Variants in ZNF558 observed in about 807,000 individuals in gnomAD.
ZNF558 encodes the protein zinc finger protein 558.
In ZNF558, 23 loss-of-function variants were observed where a neutral mutation model predicts 37.6. The observed-to-expected ratio is 0.61, with a 90% CI of 0.44 to 0.87. The LOEUF is 0.87. Ranked by LOEUF, ZNF558 falls within the 40% of genes least tolerant of loss-of-function variation. The pLI, the probability that ZNF558 is intolerant of heterozygous loss-of-function variation, is 0.00. For missense variants in ZNF558, 429 were observed against 483.7 expected, an observed-to-expected ratio of 0.89 and a Z score of 1.06; for synonymous variants, 189 against 174.4, an observed-to-expected ratio of 1.08 and a Z score of -0.66.
upstream of ZNF558, among the ~76,000 whole-genome samples, chr19:8,836,689 G>A (rs182541531): frequency 1.2e-3 from 187 of 152,056 alleles, 2 homozygotes; most frequent in East Asian, 1.5e-3. Flanking sequence ...ACAGGGACTC[G>A]CCACACCACA....
intron 7 of ZNF558, among the ~76,000 whole-genome samples, chr19:8,814,225 C>T (rs1323149076): frequency 6.6e-6 from 1 of 152,178 alleles, no homozygotes; most frequent in African/African-American, 2.4e-5. Flanking sequence ...AAGACAACAG[C>T]CTGCATTCCT....
upstream of ZNF558, among the ~76,000 whole-genome samples, chr19:8,833,774 A>T (rs550988601): frequency 1.3e-5 from 2 of 152,238 alleles, no homozygotes; most frequent in Admixed American, 1.3e-4. Flanking sequence ...AGATCACCTG[A>T]GGTCAGGAGT....
At chr19:8,830,414 C>T (rs67067711) in intron 2 of ZNF558, among the ~76,000 whole-genome samples, 26,011 of 152,034 alleles carry the variant, frequency 0.17, 2,766 homozygotes, top group East Asian at 0.28. Context: ...ACCCTTCAAT[C>T]TATAAGTTGT....
chr19:8,813,305 G>T, intron 7 of ZNF558, 83 bp from the exon 8 acceptor site: 1 of 1,075,300 alleles, frequency 9.3e-7, no homozygotes, highest in Admixed American at 2.1e-5. Context: ...CATTTATGAA[G>T]ATGGAAAAGT....
At chr19:8,837,556 G>A in the ZNF558 span, among the ~76,000 whole-genome samples, 1 of 152,130 alleles carries the variant, frequency 6.6e-6, no homozygotes, top group South Asian at 2.1e-4. Flanking sequence ...CCTCGAATGG[G>A]GGTGGCTAGA....
intron 2 of ZNF558, among the ~76,000 whole-genome samples, chr19:8,830,112 C>T (rs2044316016): frequency 6.6e-6 from 1 of 152,146 alleles, no homozygotes; most frequent in South Asian, 2.1e-4. Context: ...TAAGTTCCCA[C>T]AAGATCTGAT....
chr19:8,818,130 C>A (rs2043987464), intron 7 of ZNF558, among the ~76,000 whole-genome samples: 1 of 152,280 alleles, frequency 6.6e-6, no homozygotes, highest in South Asian at 2.1e-4. Flanking sequence ...TACAAAGTAT[C>A]TTCCTTAACC....
rs1160111794 is a variant in ZNF558, at chr19:8,810,115, T to G, written c.*1166A>C. 1.3e-5 allele frequency: 2 copies of G among 152,254 alleles called. No homozygotes were observed. The highest frequency in any genetic ancestry group is 4.1e-4 in the South Asian group (2 of 4,832). The allele number at this position is 152,254 out of a possible 1,614,324, so 9.4% of individuals were successfully genotyped here. A position where few individuals can be genotyped will look rare whatever the true frequency, so the allele number is the denominator to read the frequency against. On this transcript the variant is annotated 3_prime_UTR_variant, in exon 10 of 10. Coordinates refer to ENST00000601372, the MANE Select transcript of ZNF558 (RefSeq NM_144693.3). ...CTTTATATTTCAAGTTTCTCTGTAGTGTGAATGCTCACAAGTTTCCTAACA... is the reference window on the plus strand; with the variant it reads ...CTTTATATTTCAAGTTTCTCTGTAGGGTGAATGCTCACAAGTTTCCTAACA...
chr19:8,816,692 G>A (rs1004553541), intron 7 of ZNF558, among the ~76,000 whole-genome samples: 1 of 152,176 alleles, frequency 6.6e-6, no homozygotes, highest in Non-Finnish European at 1.5e-5. Flanking sequence ...AGATAATGGA[G>A]AGTAACTTGA....
In ZNF558 at chr19:8,821,504, T is replaced by A. The variant is rs534894350; in HGVS notation, c.121-198A>T. ...CTCCTCTCCTGGGGTTCTGAGCTCTTCTCCCTGGCTTCTGAGCTCAGCCCT... is the reference window on the plus strand; with the variant it reads ...CTCCTCTCCTGGGGTTCTGAGCTCTACTCCCTGGCTTCTGAGCTCAGCCCT... On this transcript the variant is annotated intron_variant, in intron 6 of 9. Coordinates refer to ENST00000601372, the MANE Select transcript of ZNF558 (RefSeq NM_144693.3). 6.6e-4 allele frequency: 955 copies of A among 1,445,494 alleles called. 1 individual carries two copies. The highest frequency in any genetic ancestry group is 6.7e-4 in the Non-Finnish European group (736 of 1,105,810). The allele number at this position is 1,445,494 out of a possible 1,614,324, so 89.5% of individuals were successfully genotyped here.
intron 7 of ZNF558, among the ~76,000 whole-genome samples, chr19:8,813,883 T>C (rs1555769351): frequency 6.6e-6 from 1 of 152,200 alleles, no homozygotes; most frequent in African/African-American, 2.4e-5. Flanking sequence ...AATTAGAGAC[T>C]GCCCATGAGG....
rs2043776134 is a variant in ZNF558 at position 8,811,156 on chromosome 19, C to T, written c.*125G>A. The T allele has an allele frequency of 2.8e-6, 3 of 1,070,992 alleles. No individual in the cohort carries two copies. The highest frequency in any genetic ancestry group is 3.9e-6 in the Non-Finnish European group (3 of 763,618). 66.3% of individuals were successfully genotyped at this position (1,070,992 alleles called of 1,614,324 possible). A position where few individuals can be genotyped will look rare whatever the true frequency, so the allele number is the denominator to read the frequency against. ...AATAAACATTTCGTGTTTGAAGCCA[C>T]AAAATTTGCGGGGATCATTTGTTAT... On this transcript the variant is annotated 3_prime_UTR_variant, in exon 10 of 10. Transcript: ENST00000601372.
chr19:8,836,167 A>G (rs568211572), upstream of ZNF558, among the ~76,000 whole-genome samples: 1 of 152,354 alleles, frequency 6.6e-6, no homozygotes, highest in South Asian at 2.1e-4. Context: ...TGGTAGCTCA[A>G]TAAAGTTTTT....
intron 7 of ZNF558, among the ~76,000 whole-genome samples, chr19:8,815,570 C>G (rs2043914602): frequency 1.3e-5 from 2 of 152,032 alleles, no homozygotes; most frequent in Non-Finnish European, 2.9e-5. Flanking sequence ...TGCTTGCAAC[C>G]AGGAGTTCAA....
Position 8,812,572 on chromosome 19 carries a change from C to T in ZNF558, c.415G>A (p.Gly139Ser), listed in dbSNP as rs782375312. The change falls in exon 9 of 10, where the codon GGT becomes AGT. Residue 139 changes from glycine (G) to serine (S), a missense_variant. Transcript: ENST00000601372. ...CATGTTAGTCTTACCGTTTTTACAC[C>T]TTTAGACTGTTCTTTTCTGAAAACA... is the stretch of plus-strand genomic sequence containing the variant. ...KNVFRKEQSK[G>S]VKTERSHRGV... is the part of the protein sequence containing the mutation. 1.2e-6 allele frequency: 2 copies of T among 1,602,600 alleles called. No homozygotes were observed. The highest frequency in any genetic ancestry group is 3.5e-5 in the Admixed American group (2 of 56,572).
chr19:8,812,620 T>G lies in ZNF558; in HGVS notation c.367A>C (p.Lys123Gln), dbSNP rs781896327. The G allele has an allele frequency of 1.9e-6, 3 of 1,602,484 alleles. No homozygotes were observed. In the South Asian group the frequency reaches 3.4e-5, roughly 18 times the overall value. Residue 123 changes from lysine (K) to glutamine (Q), a missense_variant, in exon 9 of 10, where the codon AAA becomes CAA. By Grantham distance (53) the Lys-to-Gln change is moderately conservative. Coordinates refer to ENST00000601372, the MANE Select transcript of ZNF558 (RefSeq NM_144693.3). ...ACATTCTTCTTAGGAGTTAACCATT[T>G]GGCTTTAAGTAGAGTCTCCAAATCT... The part of the protein sequence containing the change: ...CPDLETLLKA[K>Q]WLTPKKNVFR...
intron 7 of ZNF558, 57 bp downstream of exon 7, chr19:8,821,123 C>A: frequency 6.3e-7 from 1 of 1,578,012 alleles, no homozygotes; most frequent in South Asian, 1.2e-5. Flanking sequence ...GTAAGCAAAG[C>A]AGGCAAGTGT....
intron 2 of ZNF558, among the ~76,000 whole-genome samples, chr19:8,826,246 C>A (rs1072970): frequency 3.3e-5 from 5 of 151,842 alleles, no homozygotes; most frequent in Non-Finnish European, 7.4e-5. Context: ...GAGCACGGGG[C>A]GGCAGTGGGG....
At chr19:8,832,735 G>A (rs1333909635), upstream of ZNF558, among the ~76,000 whole-genome samples, 1 of 151,960 alleles carries the variant, frequency 6.6e-6, no homozygotes, top group Non-Finnish European at 1.5e-5. Flanking sequence ...GATGGTATAA[G>A]GCTTCTAGAG....
Sources: gnomAD v4.1 joint callset for allele counts (sites outside exome capture counted in the v4.1 genomes callset) on GRCh38, gnomAD v4.1.1 for gene constraint, MANE v1.5 for transcripts, NCBI Gene and HGNC (gene_info 2026-07-23, HGNC 2026-07-21) for gene names.